Variants in CFAP73 observed in about 807,000 individuals in gnomAD.
CFAP73 encodes the protein cilia- and flagella-associated protein 73.
In CFAP73, 33 loss-of-function variants were observed where a neutral mutation model predicts 42.9. That is an observed-to-expected ratio of 0.77 (90% confidence interval 0.58 to 1.03). CFAP73 has a LOEUF of 1.03. Among genes scored for constraint, CFAP73 ranks in the 50% least tolerant of loss-of-function variants. CFAP73 has a pLI of 0.00. For missense variants in CFAP73, 392 were observed against 411.9 expected (o/e 0.95, Z 0.42); for synonymous variants, 162 against 186.8 (o/e 0.87, Z 1.08).
At chr12:113,151,087 C>G (rs777584521) in intron 1 of CFAP73, among the ~76,000 whole-genome samples, 1 of 152,066 alleles carries the variant, frequency 6.6e-6, no homozygotes. Context: ...TGCAAGTTCA[C>G]GAGGGAACAG....
At position 113,158,760 on chromosome 12, in the gene CFAP73, C is replaced by T; in HGVS notation, c.*71C>T. The T allele has an allele frequency of 8.7e-7, 1 of 1,155,916 alleles. No individual in the cohort carries two copies. Among genetic ancestry groups the T allele is most frequent in the Non-Finnish European group, 1.2e-6 (1 of 832,088 alleles). The allele number at this position is 1,155,916 out of a possible 1,614,324, so 71.6% of individuals were successfully genotyped here. A position where few individuals can be genotyped will look rare whatever the true frequency, so the allele number is the denominator to read the frequency against. Reference sequence around the variant, plus strand: ...GTGCTCCTTTTCACAGATGATGGCTCCTGCAGGGAGTGCCCCCAGTGCCCA... The same window carrying T: ...GTGCTCCTTTTCACAGATGATGGCTTCTGCAGGGAGTGCCCCCAGTGCCCA... On this transcript the variant is annotated 3_prime_UTR_variant, in exon 8 of 8. Transcript: ENST00000335621. This position sits in a 1 kb window ranked among gnomAD's most constrained non-coding sequence, Gnocchi z 4.9.
Position 113,158,819 on chromosome 12 carries a change from C to T in CFAP73, c.*130C>T, listed in dbSNP as rs1952167265. 1.2e-5 allele frequency: 18 copies of T among 1,515,052 alleles called. No individual in the cohort carries two copies. Among genetic ancestry groups the T allele is most frequent in the African/African-American group, 2.7e-5 (2 of 72,742 alleles). 93.9% of individuals were successfully genotyped at this position (1,515,052 alleles called of 1,614,324 possible). On this transcript the variant is annotated 3_prime_UTR_variant, in exon 8 of 8. Transcript: ENST00000335621. The surrounding 1 kb of genome is among the most constrained non-coding windows in gnomAD (Gnocchi z 4.9). The stretch of plus-strand genomic sequence containing the variant: ...CCAGGCACACAGTGGTGCACGGGAA[C>T]GTCTGCTGATGCCCACCCTAAGGCC...
intron 3 of CFAP73, 77 bp from the exon 4 acceptor site, chr12:113,153,131 A>C (rs1313240058): frequency 2.4e-5 from 33 of 1,388,448 alleles, no homozygotes; most frequent in Non-Finnish European, 2.9e-5. Flanking sequence ...AGCGAATGTC[A>C]GGGCAGGATG....
In CFAP73 at chr12:113,152,009, C is replaced by G; in HGVS notation, c.148C>G (p.Gln50Glu). The G allele has an allele frequency of 6.4e-7, 1 of 1,551,008 alleles. No homozygotes were observed. The highest frequency in any genetic ancestry group is 1.2e-5 in the South Asian group (1 of 84,030). ...GCTGGTAGATGCAGACCAGGCCCTG[C>G]AGGCCCAGAAGGAGGTGAGCCCCCA... ...QELVDADQAL[Q>E]AQKEVFRTKT... The change falls in exon 2 of 8, where the codon CAG (glutamine) becomes GAG (glutamate). Residue 50 changes from glutamine to glutamate, a missense_variant. Gln to Glu is a conservative substitution (Grantham distance 29). Transcript: ENST00000335621.
rs370671347 is a variant in CFAP73, at chr12:113,158,816, G to T, written c.*127G>T. The T allele has an allele frequency of 4.0e-6, 6 of 1,508,916 alleles. No individual in the cohort carries two copies. Among genetic ancestry groups the T allele is most frequent in the East Asian group, 4.6e-5 (2 of 43,448 alleles). The allele number at this position is 1,508,916 out of a possible 1,614,324, so 93.5% of individuals were successfully genotyped here. A position where few individuals can be genotyped will look rare whatever the true frequency, so the allele number is the denominator to read the frequency against. ...GGGCCAGGCACACAGTGGTGCACGG[G>T]AACGTCTGCTGATGCCCACCCTAAG... On this transcript the variant is annotated 3_prime_UTR_variant, in exon 8 of 8. Coordinates refer to ENST00000335621, the MANE Select transcript of CFAP73 (RefSeq NM_001144872.3). The surrounding 1 kb of genome is among the most constrained non-coding windows in gnomAD (Gnocchi z 4.9).
chr12:113,156,385 G>T (rs151160092), intron 6 of CFAP73, among the ~76,000 whole-genome samples: 1 of 151,858 alleles, frequency 6.6e-6, no homozygotes, highest in South Asian at 2.1e-4. Context: ...GAAGGAAGAG[G>T]TTTTTATTCG....
At chr12:113,152,361 C>G (rs989754443) in intron 2 of CFAP73, among the ~76,000 whole-genome samples, 4 of 152,196 alleles carry the variant, frequency 2.6e-5, no homozygotes, top group Non-Finnish European at 5.9e-5. Context: ...GTCCCTACCT[C>G]CCCATGGGGG....
intron 2 of CFAP73, 67 bp downstream of exon 2, chr12:113,152,090 G>A (rs1952068608): frequency 8.6e-7 from 1 of 1,159,662 alleles, no homozygotes; most frequent in South Asian, 1.3e-5. Context: ...CAATTTATTA[G>A]TGACAAGGTC....
Position 113,158,022 on chromosome 12 carries a change from G to A in CFAP73, c.*11+332G>A. 1 of 285,604 alleles carries A rather than the reference G, an allele frequency of 3.5e-6. No homozygotes were observed. The highest frequency in any genetic ancestry group is 6.7e-6 in the Non-Finnish European group (1 of 148,664). The allele number at this position is 285,604 out of a possible 1,614,324, so 17.7% of individuals were successfully genotyped here. A position where few individuals can be genotyped will look rare whatever the true frequency, so the allele number is the denominator to read the frequency against. ...AGGTCTCAGAACAGGGTCCATGCTA[G>A]ATGAGAGATCACCAAGGCCCCCTCC... On this transcript the variant is annotated intron_variant, in intron 7 of 7. Coordinates refer to ENST00000335621, the MANE Select transcript of CFAP73 (RefSeq NM_001144872.3). The surrounding 1 kb of genome is among the most constrained non-coding windows in gnomAD (Gnocchi z 4.9).
rs1313960359 is a variant in CFAP73 at position 113,154,291 on chromosome 12, T to C, written c.469-123T>C. On this transcript the variant is annotated intron_variant, in intron 4 of 7. Transcript: ENST00000335621. This position sits in a 1 kb window ranked among gnomAD's most constrained non-coding sequence, Gnocchi z 4.7. Reference sequence around the variant, plus strand: ...AGACCTTGTCTCTAACAAATGGAGGTTGACATTTAAGTCACTTTCCAGAAA... The same window carrying C: ...AGACCTTGTCTCTAACAAATGGAGGCTGACATTTAAGTCACTTTCCAGAAA... 1.6e-6 allele frequency: 2 copies of C among 1,212,854 alleles called. No individual in the cohort carries two copies. 75.1% of individuals were successfully genotyped at this position (1,212,854 alleles called of 1,614,324 possible). A position where few individuals can be genotyped will look rare whatever the true frequency, so the allele number is the denominator to read the frequency against.
Position 113,159,259 on chromosome 12 carries a change from A to C in CFAP73, c.*570A>C. 1.1e-6 allele frequency: 1 copy of C among 870,370 alleles called. No individual in the cohort carries two copies. Among genetic ancestry groups the C allele is most frequent in the Non-Finnish European group, 1.7e-6 (1 of 589,276 alleles). The allele number at this position is 870,370 out of a possible 1,614,324, so 53.9% of individuals were successfully genotyped here. On this transcript the variant is annotated 3_prime_UTR_variant, in exon 8 of 8. Transcript: ENST00000335621. ...GTCTGTACACAGTAGGTGGCTAATAAAGTTTTAGGCAGCCTCATGGAGTGG... is the reference window on the plus strand; with the variant it reads ...GTCTGTACACAGTAGGTGGCTAATACAGTTTTAGGCAGCCTCATGGAGTGG...
intron 2 of CFAP73, 101 bp downstream of exon 2, chr12:113,152,124 C>A: frequency 1.3e-6 from 1 of 781,476 alleles, no homozygotes; most frequent in Non-Finnish European, 2.1e-6. Context: ...TTCACCACTC[C>A]AAGCCTTGAT....
At chr12:113,153,898 T>C (rs934674898) in intron 4 of CFAP73, among the ~76,000 whole-genome samples, 2 of 151,566 alleles carry the variant, frequency 1.3e-5, no homozygotes, top group Non-Finnish European at 2.9e-5. Flanking sequence ...CCGCCCACGC[T>C]TTGTTCTTGA....
chr12:113,156,510 G>A (rs1328782094), intron 6 of CFAP73, among the ~76,000 whole-genome samples: 1 of 151,902 alleles, frequency 6.6e-6, no homozygotes, highest in East Asian at 2.0e-4. Flanking sequence ...TGTCTGAGGA[G>A]TTTTGTCTGC....
Position 113,158,825 on chromosome 12 carries a change from C to A in CFAP73, c.*136C>A, listed in dbSNP as rs1201784062. ...ACACAGTGGTGCACGGGAACGTCTGCTGATGCCCACCCTAAGGCCAATCAA... is the reference window on the plus strand; with the variant it reads ...ACACAGTGGTGCACGGGAACGTCTGATGATGCCCACCCTAAGGCCAATCAA... On this transcript the variant is annotated 3_prime_UTR_variant, in exon 8 of 8. Transcript: ENST00000335621. The surrounding 1 kb of genome is among the most constrained non-coding windows in gnomAD (Gnocchi z 4.9). The A allele has an allele frequency of 1.3e-5, 20 of 1,527,634 alleles. No individual in the cohort carries two copies. The highest frequency in any genetic ancestry group is 1.7e-5 in the Non-Finnish European group (19 of 1,130,882). 94.6% of individuals were successfully genotyped at this position (1,527,634 alleles called of 1,614,324 possible). A position where few individuals can be genotyped will look rare whatever the true frequency, so the allele number is the denominator to read the frequency against.
chr12:113,154,591 C>A lies in CFAP73; in HGVS notation c.646C>A (p.Leu216Met). 7.0e-7 allele frequency: 1 copy of A among 1,420,786 alleles called. No homozygotes were observed. The highest frequency in any genetic ancestry group is 9.1e-7 in the Non-Finnish European group (1 of 1,099,044). The allele number at this position is 1,420,786 out of a possible 1,614,324, so 88.0% of individuals were successfully genotyped here. The change falls in exon 5 of 8, where the codon CTG becomes ATG. Residue 216 changes from leucine to methionine, a missense_variant. Coordinates refer to ENST00000335621, the MANE Select transcript of CFAP73 (RefSeq NM_001144872.3). This position sits in a 1 kb window ranked among gnomAD's most constrained non-coding sequence, Gnocchi z 4.7. ...VLAQGQRRAQ[L>M]QERLEAARER... The stretch of plus-strand genomic sequence containing the variant: ...CGCACAGGGCCAGCGGCGGGCACAG[C>A]TGCAGGAGCGCCTGGAGGCTGCCAG...
chr12:113,151,657 G>T (rs1230909758), intron 1 of CFAP73, among the ~76,000 whole-genome samples: 1 of 151,978 alleles, frequency 6.6e-6, no homozygotes, highest in Non-Finnish European at 1.5e-5. Flanking sequence ...AATTAGCCGG[G>T]TGTGGTGGCA....
Position 113,153,229 on chromosome 12 carries a change from CGCGCGCTGCGGAGG to C in CFAP73, c.293_306del (p.Ala98GlyfsTer36), listed in dbSNP as rs1334163030. 7.9e-6 allele frequency: 12 copies of C among 1,519,756 alleles called. No homozygotes were observed. In the South Asian group the frequency reaches 1.5e-4, roughly 18 times the overall value. The allele number at this position is 1,519,756 out of a possible 1,614,324, so 94.1% of individuals were successfully genotyped here. A position where few individuals can be genotyped will look rare whatever the true frequency, so the allele number is the denominator to read the frequency against. Reference sequence around the variant, plus strand: ...CCAGGACTCCGAGGCCCGGCGCAATCGCGCGCTGCGGAGGGCGGCGGAGGAGAGGCACCAGGCGG... The same window carrying C: ...CCAGGACTCCGAGGCCCGGCGCAATCGCGGCGGAGGAGAGGCACCAGGCGG... On this transcript the variant is annotated frameshift_variant, in exon 4 of 8. Transcript: ENST00000335621. LOFTEE classifies it high-confidence loss of function.
Position 113,154,743 on chromosome 12 carries a change from G to A in CFAP73, c.690+108G>A, listed in dbSNP as rs1952101423. The A allele has an allele frequency of 2.2e-6, 3 of 1,350,654 alleles. No individual in the cohort carries two copies. Among genetic ancestry groups the A allele is most frequent in the South Asian group, 1.9e-5 (1 of 52,156 alleles). The allele number at this position is 1,350,654 out of a possible 1,614,324, so 83.7% of individuals were successfully genotyped here. On this transcript the variant is annotated intron_variant, in intron 5 of 7. Transcript: ENST00000335621. The surrounding 1 kb of genome is among the most constrained non-coding windows in gnomAD (Gnocchi z 4.7). ...CCGATGGGGCAATGCTTACCCCAGA[G>A]GGTCCGCTGCACTAAGGAGGGGAAT...
Sources: gnomAD v4.1 joint callset for allele counts (sites outside exome capture counted in the v4.1 genomes callset) on GRCh38, gnomAD v4.1.1 for gene constraint, Gnocchi (gnomAD v3.1) non-coding constraint, MANE v1.5 for transcripts, NCBI Gene and HGNC (gene_info 2026-07-23, HGNC 2026-07-21) for gene names.